CNTNAP5: variants seen among roughly 807,000 people sequenced by gnomAD.
The protein encoded by CNTNAP5 is contactin associated protein family member 5.
Under a neutral mutation model 150.2 loss-of-function variants are expected in CNTNAP5, and 72 were observed. The observed-to-expected ratio is 0.48, with a 90% CI of 0.40 to 0.58. The LOEUF (loss-of-function observed/expected upper bound fraction) is 0.58, where lower values mean the gene tolerates loss of function less well. CNTNAP5 is among the 20% of genes least tolerant of loss of function. The pLI is 0.00. For synonymous variants in CNTNAP5, 672 were observed against 619.8 expected, an observed-to-expected ratio of 1.08 and a Z score of -1.25; for missense variants, 1,636 against 1,626.2, an observed-to-expected ratio of 1.01 and a Z score of -0.10.
chr2:124,048,642 G>C (rs1681606865), intron 1 of CNTNAP5, among the ~76,000 whole-genome samples: 1 of 152,150 alleles, frequency 6.6e-6, no homozygotes, highest in Non-Finnish European at 1.5e-5. Flanking sequence ...AAAATGAAAA[G>C]ATTAATGAGT....
In CNTNAP5 at chr2:124,920,645, A is replaced by G. The variant is rs190974876; in HGVS notation, c.*6357A>G. 8.1e-4 allele frequency among the ~76,000 whole-genome samples: 123 copies of G among 152,252 alleles called. 1 individual carries two copies. Among genetic ancestry groups the G allele is most frequent in the Admixed American group, 2.3e-3 (35 of 15,282 alleles). ...GTTGCCTTGGACTAACATTTTCCTT[A>G]GTCACTAGCCTAGGGCAGAAAGGCA... On this transcript the variant is annotated 3_prime_UTR_variant, in exon 24 of 24. Coordinates refer to ENST00000682447, the MANE Select transcript of CNTNAP5 (RefSeq NM_001367498.1).
At chr2:124,259,570 T>C (rs1296330637) in intron 3 of CNTNAP5, among the ~76,000 whole-genome samples, 1 of 152,186 alleles carries the variant, frequency 6.6e-6, no homozygotes, top group Admixed American at 6.5e-5. Flanking sequence ...TGAGATGGTA[T>C]CTCATTGTGG....
At chr2:124,801,687 A>T (rs1410743571) in intron 19 of CNTNAP5, among the ~76,000 whole-genome samples, 2 of 152,216 alleles carry the variant, frequency 1.3e-5, no homozygotes, top group Admixed American at 6.5e-5. Context: ...GCTTTGAGGA[A>T]TAAAGAATCG....
chr2:124,480,151 C>T (rs1693732283), intron 7 of CNTNAP5, among the ~76,000 whole-genome samples: 1 of 152,124 alleles, frequency 6.6e-6, no homozygotes, highest in Admixed American at 6.6e-5. Flanking sequence ...TCTGTTTACT[C>T]CCAAACTATG....
intron 21 of CNTNAP5, among the ~76,000 whole-genome samples, chr2:124,877,177 C>T (rs113461088): frequency 3.7e-4 from 56 of 152,144 alleles, no homozygotes; most frequent in African/African-American, 1.3e-3. Flanking sequence ...AATGAATCAC[C>T]TCATGATAGC....
chr2:124,794,407 A>G (rs1681800859), intron 18 of CNTNAP5, among the ~76,000 whole-genome samples: 1 of 152,246 alleles, frequency 6.6e-6, no homozygotes, highest in Non-Finnish European at 1.5e-5. Flanking sequence ...GGGACAGCCC[A>G]CAGCATGTAA....
At chr2:124,874,646 CTCT>C (rs369090539) in intron 21 of CNTNAP5, among the ~76,000 whole-genome samples, 2 of 151,950 alleles carry the variant, frequency 1.3e-5, no homozygotes, top group African/African-American at 4.8e-5. Context: ...TTATTATTAT[CTCT>C]TCTTAAAGAA....
chr2:124,655,941 GAGAGAGAAAGAAAGAA>G (rs1300913532), intron 13 of CNTNAP5, among the ~76,000 whole-genome samples: 46 of 58,178 alleles, frequency 7.9e-4, no homozygotes, highest in African/African-American at 2.9e-3. Flanking sequence ...GAGAGAGAGA[GAGAGAGAAAGAAAGAA>G]AGAAAGAAAG....
intron 21 of CNTNAP5, among the ~76,000 whole-genome samples, chr2:124,888,604 T>A (rs1159037706): frequency 2.0e-5 from 3 of 152,090 alleles, no homozygotes; most frequent in African/African-American, 7.2e-5. Flanking sequence ...GCCTCATCAA[T>A]GTTTGTTGTT....
In CNTNAP5 at chr2:124,776,085, A is replaced by G. The variant is rs551492270; in HGVS notation, c.2752+3068A>G. 9.8e-4 allele frequency among the ~76,000 whole-genome samples: 150 copies of G among 152,306 alleles called. 1 individual carries two copies. The highest frequency in any genetic ancestry group is 3.3e-3 in the African/African-American group (138 of 41,570). The stretch of plus-strand genomic sequence containing the variant: ...TTGAAGATCTGCTATCTGCATGTAC[A>G]AATTAGGAACGACTGTCACACCTAC... On this transcript the variant is annotated intron_variant, in intron 17 of 23. Coordinates refer to ENST00000682447, the MANE Select transcript of CNTNAP5 (RefSeq NM_001367498.1).
intron 11 of CNTNAP5, among the ~76,000 whole-genome samples, chr2:124,601,459 C>A (rs893494990): frequency 6.6e-6 from 1 of 152,122 alleles, no homozygotes; most frequent in Non-Finnish European, 1.5e-5. Flanking sequence ...CTATCAAATA[C>A]GAGAGAACAT....
chr2:124,921,074 C>T lies in CNTNAP5; in HGVS notation c.*6786C>T, dbSNP rs1453706430. On this transcript the variant is annotated 3_prime_UTR_variant, in exon 24 of 24. Transcript: ENST00000682447. ...CAGTTTTGTAGACCATGTAACATGT[C>T]TTAATACACTGTATGGGGAAAAAAT... Among the ~76,000 whole-genome samples the T allele has an allele frequency of 6.6e-6, 1 of 152,034 alleles. No homozygotes were observed. Among genetic ancestry groups the T allele is most frequent in the Non-Finnish European group, 1.5e-5 (1 of 68,010 alleles).
intron 3 of CNTNAP5, among the ~76,000 whole-genome samples, chr2:124,315,254 G>A (rs1256418493): frequency 1.3e-5 from 2 of 152,122 alleles, no homozygotes; most frequent in Non-Finnish European, 2.9e-5. Context: ...GAGCCACCAC[G>A]CTGAGCCCCT....
chr2:124,803,813 G>A (rs1340515381), intron 19 of CNTNAP5, among the ~76,000 whole-genome samples: 1 of 152,136 alleles, frequency 6.6e-6, no homozygotes, highest in African/African-American at 2.4e-5. Flanking sequence ...GCAGTGGCTA[G>A]CCAGGGCTGG....
intron 11 of CNTNAP5, among the ~76,000 whole-genome samples, chr2:124,606,074 A>C (rs1697101047): frequency 6.6e-6 from 1 of 152,066 alleles, no homozygotes; most frequent in South Asian, 2.1e-4. Context: ...TAAATTAGCA[A>C]TTTATATGTA....
intron 8 of CNTNAP5, among the ~76,000 whole-genome samples, chr2:124,509,539 C>G (rs962507156): frequency 6.6e-6 from 1 of 152,108 alleles, no homozygotes; most frequent in Non-Finnish European, 1.5e-5. Flanking sequence ...ACTCATAAAA[C>G]TTTATCAGGC....
intron 3 of CNTNAP5, among the ~76,000 whole-genome samples, chr2:124,394,525 T>C (rs1377717134): frequency 6.6e-6 from 1 of 152,146 alleles, no homozygotes; most frequent in Non-Finnish European, 1.5e-5. Context: ...AGAGAATGGC[T>C]TAGACTTCCA....
chr2:124,851,536 T>C (rs2685173), intron 19 of CNTNAP5, among the ~76,000 whole-genome samples: 131,798 of 152,190 alleles, frequency 0.87, 57,551 homozygotes, highest in African/African-American at 0.97. Context: ...AGATAAAAAA[T>C]GAGGATAATT....
At chr2:124,764,620 C>T (rs965598017) in intron 16 of CNTNAP5, among the ~76,000 whole-genome samples, 1 of 152,184 alleles carries the variant, frequency 6.6e-6, no homozygotes, top group Admixed American at 6.6e-5. Flanking sequence ...TCTGCCACTT[C>T]CCCATGGACA....
Sources: gnomAD v4.1 joint callset for allele counts (sites outside exome capture counted in the v4.1 genomes callset) on GRCh38, gnomAD v4.1.1 for gene constraint, MANE v1.5 for transcripts, NCBI Gene and HGNC (gene_info 2026-07-23, HGNC 2026-07-21) for gene names.